The following TTC19 variants were observed in gnomAD, a reference collection of about 807,000 sequenced individuals.
TTC19 encodes the protein tetratricopeptide repeat domain 19, also known as tetratricopeptide repeat protein 19, mitochondrial.
TTC19 carries 38 observed loss-of-function variants against 49.5 expected under a neutral mutation model. That is an observed-to-expected ratio of 0.77 (90% confidence interval 0.59 to 1.01). TTC19 has a LOEUF of 1.01. Ranked by LOEUF, TTC19 falls within the 50% of genes least tolerant of loss-of-function variation. TTC19 has a pLI of 0.00. For missense variants in TTC19, 475 were observed against 477.7 expected (o/e 0.99, Z 0.05); for synonymous variants, 204 against 185.2 (o/e 1.10, Z -0.83).
intron 6 of TTC19, 92 bp downstream of exon 6, chr17:16,004,354 C>G: frequency 4.0e-6 from 5 of 1,246,172 alleles, no homozygotes; most frequent in Non-Finnish European, 5.9e-6. Flanking sequence ...TCATCTGGGT[C>G]TCCCAGAAAT....
At chr17:16,023,975 A>T (rs2151679892) in intron 7 of TTC19, 1 of 152,362 alleles carries the variant, frequency 6.6e-6, no homozygotes, top group African/African-American at 2.4e-5. Context: ...TATCTAAGGT[A>T]ACCTCTTTTT....
intron 7 of TTC19, among the ~76,000 whole-genome samples, chr17:16,020,504 ATATT>A (rs1331412847): frequency 6.6e-6 from 1 of 152,062 alleles, no homozygotes; most frequent in Non-Finnish European, 1.5e-5. Flanking sequence ...CAGAATCTTG[ATATT>A]TATCTTCATA....
At chr17:16,019,677 T>C (rs1971314609) in intron 7 of TTC19, among the ~76,000 whole-genome samples, 1 of 152,216 alleles carries the variant, frequency 6.6e-6, no homozygotes, top group Non-Finnish European at 1.5e-5. Flanking sequence ...TAGTAGTCCA[T>C]TGTAGAAATA....
At chr17:16,032,666 T>C (rs146423077), downstream of TTC19, among the ~76,000 whole-genome samples, 9 of 152,300 alleles carry the variant, frequency 5.9e-5, no homozygotes, top group East Asian at 1.9e-4. Context: ...CAATGATATA[T>C]AGCAGTCAGT....
rs1206537388 is a variant in TTC19 at position 16,002,907 on chromosome 17, G to A, written c.462+76G>A. ...GGGAACTGTAATAGTAAGAGTACAG[G>A]CTAAGCTGCTATAACAAAGAGACCC... On this transcript the variant is annotated intron_variant, in intron 4 of 9. Transcript: ENST00000261647. 2.3e-6 allele frequency: 3 copies of A among 1,327,288 alleles called. No homozygotes were observed. In the African/African-American group the frequency reaches 4.3e-5, roughly 19 times the overall value. The allele number at this position is 1,327,288 out of a possible 1,614,324, so 82.2% of individuals were successfully genotyped here. A position where few individuals can be genotyped will look rare whatever the true frequency, so the allele number is the denominator to read the frequency against.
intron 2 of TTC19, chr17:16,039,654 C>T (rs1470819892): frequency 6.2e-7 from 1 of 1,612,214 alleles, no homozygotes; most frequent in Admixed American, 1.7e-5. Flanking sequence ...GCTAACTGAG[C>T]CTGAAAGAGA....
intron 6 of TTC19, among the ~76,000 whole-genome samples, chr17:16,006,273 A>C (rs567238750): frequency 7.9e-5 from 12 of 152,204 alleles, no homozygotes; most frequent in African/African-American, 2.9e-4. Flanking sequence ...AGCTGGGCAT[A>C]GTGGCGGGCA....
At chr17:16,022,886 T>C (rs995259365) in intron 7 of TTC19, among the ~76,000 whole-genome samples, 4 of 152,234 alleles carry the variant, frequency 2.6e-5, no homozygotes, top group African/African-American at 9.6e-5. Flanking sequence ...TTTGAAGAAG[T>C]AAATATGCCT....
At chr17:16,026,077 A>G (rs1470946800) in intron 8 of TTC19, among the ~76,000 whole-genome samples, 4 of 152,034 alleles carry the variant, frequency 2.6e-5, no homozygotes, top group Admixed American at 2.0e-4. Context: ...AAAAACTCCT[A>G]CTGGGCATCT....
intron 2 of TTC19, among the ~76,000 whole-genome samples, chr17:16,001,252 A>C (rs1970719983): frequency 6.6e-6 from 1 of 152,170 alleles, no homozygotes; most frequent in Admixed American, 6.5e-5. Context: ...CTTGGCTTGC[A>C]ACACCCCACA....
exon 3 of TTC19, chr17:16,044,614 C>T: frequency 1.7e-6 from 1 of 598,710 alleles, no homozygotes; most frequent in Admixed American, 2.0e-5. Flanking sequence ...CCACACTTGC[C>T]CATACCATGT....
rs1445060706 is a variant in TTC19, at chr17:16,026,522, T to C, written c.832-18T>C. The C allele has an allele frequency of 6.2e-7, 1 of 1,613,406 alleles. No individual in the cohort carries two copies. Among genetic ancestry groups the C allele is most frequent in the African/African-American group, 1.3e-5 (1 of 74,986 alleles). On this transcript the variant is annotated intron_variant, in intron 8 of 9. Coordinates refer to ENST00000261647, the MANE Select transcript of TTC19 (RefSeq NM_017775.4). The stretch of plus-strand genomic sequence containing the variant: ...GGCATGTTTTTAAAGAAAAAATTGT[T>C]TTTTCTTTTACATACAGACCATTGT...
intron 6 of TTC19, 35 bp downstream of exon 6, chr17:16,004,297 A>C (rs371536154): frequency 4.3e-5 from 69 of 1,598,042 alleles, no homozygotes; most frequent in Non-Finnish European, 5.6e-5. Context: ...GACTGTGGGC[A>C]GGAAACTTTG....
chr17:16,003,886 A>C lies in TTC19; in HGVS notation c.518A>C (p.Gln173Pro). The C allele has an allele frequency of 1.2e-6, 2 of 1,613,768 alleles. No individual in the cohort carries two copies. Among genetic ancestry groups the C allele is most frequent in the African/African-American group, 2.7e-5 (2 of 75,030 alleles). ...MSYLLGGGMK[Q>P]EDNAIIEISL... The stretch of plus-strand genomic sequence containing the variant: ...TACCTCCTTGGAGGGGGCATGAAGC[A>C]GGTAAGGACATTGCCTAGTATTGGC... The change falls in exon 5 of 10, where the codon CAG (glutamine) becomes CCG (proline). Residue 173 changes from glutamine to proline, a missense_variant and splice_region_variant. Transcript: ENST00000261647.
chr17:16,041,466 T>G lies in TTC19; in HGVS notation c.248-3037T>G, dbSNP rs565696801. On this transcript the variant is annotated intron_variant, in intron 2 of 2. Transcript: ENST00000470649. The stretch of plus-strand genomic sequence containing the variant: ...TTTATTCTTGTCACCCAGGCTGGAG[T>G]GCAATGGCGTGATCTAGGCTCACTG... Among the ~76,000 whole-genome samples the G allele has an allele frequency of 3.0e-5, 4 of 133,862 alleles. No individual in the cohort carries two copies. In the South Asian group the frequency reaches 7.2e-4, roughly 24 times the overall value. The allele number at this position is 133,862 out of a possible 152,430, so 87.8% of individuals were successfully genotyped here. A position where few individuals can be genotyped will look rare whatever the true frequency, so the allele number is the denominator to read the frequency against.
chr17:16,029,295 T>C lies in TTC19; in HGVS notation c.*1773T>C, dbSNP rs1971748523. 1 of 450,072 alleles carries C rather than the reference T, an allele frequency of 2.2e-6. No homozygotes were observed. Among genetic ancestry groups the C allele is most frequent in the South Asian group, 1.6e-5 (1 of 62,810 alleles). The allele number at this position is 450,072 out of a possible 1,614,324, so 27.9% of individuals were successfully genotyped here. A position where few individuals can be genotyped will look rare whatever the true frequency, so the allele number is the denominator to read the frequency against. On this transcript the variant is annotated 3_prime_UTR_variant, in exon 10 of 10. Coordinates refer to ENST00000261647, the MANE Select transcript of TTC19 (RefSeq NM_017775.4). ...TGTTTTCATTACAGTTCATTTACAC[T>C]GTTGTAAAATAAGGTACTGAAGCAA...
intron 7 of TTC19, among the ~76,000 whole-genome samples, chr17:16,014,115 C>T (rs1036091906): frequency 2.0e-5 from 3 of 152,202 alleles, no homozygotes; most frequent in Non-Finnish European, 4.4e-5. Context: ...CCAGGAATCT[C>T]ATCCAGAAAT....
intron 2 of TTC19, chr17:16,039,607 G>A: frequency 6.2e-7 from 1 of 1,614,112 alleles, no homozygotes; most frequent in Non-Finnish European, 8.5e-7. Context: ...TCCAGCCCAA[G>A]ATTACTGGCA....
intron 7 of TTC19, among the ~76,000 whole-genome samples, chr17:16,014,148 G>A (rs1971150379): frequency 6.6e-6 from 1 of 152,200 alleles, no homozygotes; most frequent in African/African-American, 2.4e-5. Context: ...AGGAAAAGGA[G>A]ACTTCTTTGA....
Sources: gnomAD v4.1 joint callset for allele counts (sites outside exome capture counted in the v4.1 genomes callset) on GRCh38, gnomAD v4.1.1 for gene constraint, MANE v1.5 for transcripts, NCBI Gene and HGNC (gene_info 2026-07-23, HGNC 2026-07-21) for gene names.